KCNK10: variants seen among roughly 807,000 people sequenced by gnomAD.
KCNK10 encodes the protein potassium channel subfamily K member 10.
Under a neutral mutation model 47.7 loss-of-function variants are expected in KCNK10, and 25 were observed. The observed-to-expected ratio is 0.52, with a 90% CI of 0.38 to 0.73. The LOEUF is 0.73. Ranked by LOEUF, KCNK10 falls within the 30% of genes least tolerant of loss-of-function variation. The probability of loss-of-function intolerance (pLI) is 0.00; values close to 1 mark genes in which losing one functional copy is unlikely to be tolerated. For missense variants in KCNK10, 563 were observed against 714.5 expected (o/e 0.79, Z 2.42); for synonymous variants, 303 against 285.6 (o/e 1.06, Z -0.61).
At chr14:88,190,170 T>C (rs1250877723) in intron 5 of KCNK10, among the ~76,000 whole-genome samples, 1 of 152,168 alleles carries the variant, frequency 6.6e-6, no homozygotes, top group East Asian at 1.9e-4. Flanking sequence ...CCCAGGCCTC[T>C]GCTATTTGTG....
intron 4 of KCNK10, among the ~76,000 whole-genome samples, chr14:88,222,314 G>T (rs376021585): frequency 3.3e-5 from 5 of 152,124 alleles, no homozygotes; most frequent in Non-Finnish European, 7.3e-5. Flanking sequence ...TTTGGGTGGG[G>T]ACACAGCCAA....
At chr14:88,218,780 C>T (rs927766939) in intron 4 of KCNK10, among the ~76,000 whole-genome samples, 3 of 152,168 alleles carry the variant, frequency 2.0e-5, no homozygotes, top group Non-Finnish European at 2.9e-5. Flanking sequence ...AGCTACCCCA[C>T]AGCAGGGGAG....
intron 1 of KCNK10, among the ~76,000 whole-genome samples, chr14:88,269,057 G>A (rs1333879622): frequency 6.6e-6 from 1 of 152,196 alleles, no homozygotes; most frequent in Admixed American, 6.5e-5. Context: ...AGAATCACTT[G>A]AACCAGGTAG....
chr14:88,241,025 TA>T (rs1297479204), intron 2 of KCNK10, among the ~76,000 whole-genome samples: 1 of 152,022 alleles, frequency 6.6e-6, no homozygotes, highest in African/African-American at 2.4e-5. Context: ...TAGTGTTAAA[TA>T]GGGGGGAAAC....
intron 2 of KCNK10, among the ~76,000 whole-genome samples, chr14:88,253,502 G>A (rs986580026): frequency 6.6e-6 from 1 of 151,948 alleles, no homozygotes; most frequent in Non-Finnish European, 1.5e-5. Flanking sequence ...ATTATTATAG[G>A]TCATTTTTAA....
chr14:88,188,014 T>C lies in KCNK10; in HGVS notation c.964A>G (p.Met322Val), dbSNP rs768034452. 1.2e-6 allele frequency: 2 copies of C among 1,614,030 alleles called. No homozygotes were observed. Among genetic ancestry groups the C allele is most frequent in the Non-Finnish European group, 1.7e-6 (2 of 1,180,022 alleles). The change falls in exon 6 of 7, where the codon ATG becomes GTG. Residue 322 changes from methionine (M) to valine (V), a missense_variant. Met to Val is a conservative substitution (Grantham distance 21). Coordinates refer to ENST00000319231, the MANE Select transcript of KCNK10 (RefSeq NM_138317.3). The stretch of plus-strand genomic sequence containing the variant: ...AGAACCCGTAGCCAATCTCCGATCA[T>C]ACTGAGGACAGCTGCAAAGTAGGCA... ...GLAYFAAVLS[M>V]IGDWLRVLSK...
At chr14:88,204,109 A>T (rs11159846) in intron 4 of KCNK10, among the ~76,000 whole-genome samples, 71,321 of 152,034 alleles carry the variant, frequency 0.47, 17,314 homozygotes, top group Non-Finnish European at 0.54. Flanking sequence ...GACCATGTAT[A>T]CTCTTTGTAG....
chr14:88,306,183 G>T (rs1389372513), intron 1 of KCNK10, among the ~76,000 whole-genome samples: 1 of 152,172 alleles, frequency 6.6e-6, no homozygotes, highest in African/African-American at 2.4e-5. Flanking sequence ...CAGGAATGGG[G>T]CCACTTCCAT....
At chr14:88,235,798 A>G (rs1268847852) in intron 3 of KCNK10, among the ~76,000 whole-genome samples, 1 of 152,228 alleles carries the variant, frequency 6.6e-6, no homozygotes, top group Non-Finnish European at 1.5e-5. Flanking sequence ...AAAACCACAC[A>G]GCAAAGAAAA....
At chr14:88,243,050 T>A (rs548116119) in intron 2 of KCNK10, among the ~76,000 whole-genome samples, 1 of 152,246 alleles carries the variant, frequency 6.6e-6, no homozygotes, top group Admixed American at 6.5e-5. Flanking sequence ...CAAAAGACAA[T>A]GGGGACGATG....
At chr14:88,257,013 G>A (rs1432181395) in intron 2 of KCNK10, among the ~76,000 whole-genome samples, 1 of 152,164 alleles carries the variant, frequency 6.6e-6, no homozygotes, top group African/African-American at 2.4e-5. Context: ...TAACCCCCGA[G>A]TCCTGGGGGC....
Position 88,323,089 on chromosome 14 carries a change from G to T in KCNK10, c.-291C>A. 4.9e-6 allele frequency: 6 copies of T among 1,235,692 alleles called. No homozygotes were observed. The highest frequency in any genetic ancestry group is 6.1e-6 in the Non-Finnish European group (6 of 979,150). The allele number at this position is 1,235,692 out of a possible 1,614,324, so 76.5% of individuals were successfully genotyped here. A position where few individuals can be genotyped will look rare whatever the true frequency, so the allele number is the denominator to read the frequency against. On this transcript the variant is annotated 5_prime_UTR_variant, in exon 1 of 7. Transcript: ENST00000319231. Reference sequence around the variant, plus strand: ...GGTGGATGAAAGGATGGAGAGGAAGGCTTGGGGAGATGGAAGAGCCAAGCT... The same window carrying T: ...GGTGGATGAAAGGATGGAGAGGAAGTCTTGGGGAGATGGAAGAGCCAAGCT...
chr14:88,267,661 C>T (rs529130968), intron 1 of KCNK10, among the ~76,000 whole-genome samples: 2 of 152,260 alleles, frequency 1.3e-5, no homozygotes, highest in South Asian at 2.1e-4. Flanking sequence ...CGTAAGCCAC[C>T]GCATCCAGCC....
chr14:88,185,609 C>G lies in KCNK10; in HGVS notation c.1558G>C (p.Glu520Gln). The G allele has an allele frequency of 6.2e-7, 1 of 1,614,186 alleles. No individual in the cohort carries two copies. The highest frequency in any genetic ancestry group is 8.5e-7 in the Non-Finnish European group (1 of 1,180,034). The change falls in exon 7 of 7, where the codon GAG (glutamate) becomes CAG (glutamine). Residue 520 changes from glutamate to glutamine, a missense_variant. Physicochemically the swap from Glu to Gln is conservative, Grantham distance 29. Transcript: ENST00000319231. This position sits in a 1 kb window ranked among gnomAD's most constrained non-coding sequence, Gnocchi z 4.3. The stretch of plus-strand genomic sequence containing the variant: ...GTGTCCGTGGGTATCATTCCGTTCT[C>G]CAACTCAGCGTGCTGCTGGATACAG... ...TDCIQQHAEL[E>Q]NGMIPTDTKD...
intron 4 of KCNK10, among the ~76,000 whole-genome samples, chr14:88,225,424 G>A (rs1158083543): frequency 6.6e-6 from 1 of 152,182 alleles, no homozygotes; most frequent in Non-Finnish European, 1.5e-5. Context: ...AGGTTTCTAA[G>A]GCTCTGTATC....
At position 88,182,036 on chromosome 14, in the gene KCNK10, GCACACACACACACACACACACA is replaced by G. The variant is rs372506756; in HGVS notation, c.*3477_*3498del. 23 of 137,060 alleles carry G rather than the reference GCACACACACACACACACACACA, an allele frequency of 1.7e-4. No individual in the cohort carries two copies. Among genetic ancestry groups the G allele is most frequent in the African/African-American group, 4.9e-4 (18 of 36,728 alleles). The allele number at this position is 137,060 out of a possible 1,614,324, so 8.5% of individuals were successfully genotyped here. On this transcript the variant is annotated 3_prime_UTR_variant, in exon 7 of 7. Transcript: ENST00000319231. The stretch of plus-strand genomic sequence containing the variant: ...AGATGGCCCAACACCACCCCAACCC[GCACACACACACACACACACACA>G]CACACACACACACACACACACACAC...
chr14:88,246,100 C>T (rs920755729), intron 2 of KCNK10, among the ~76,000 whole-genome samples: 8 of 151,742 alleles, frequency 5.3e-5, no homozygotes, highest in Non-Finnish European at 7.4e-5. Context: ...TTAGTAGAGA[C>T]GGGGTTTCAC....
At chr14:88,310,249 TG>T in intron 1 of KCNK10, among the ~76,000 whole-genome samples, 3 of 17,202 alleles carry the variant, frequency 1.7e-4, no homozygotes, top group African/African-American at 1.0e-3. Flanking sequence ...ATAAATGATA[TG>T]CATTTATCAT....
chr14:88,242,159 T>C (rs11849247), intron 2 of KCNK10, among the ~76,000 whole-genome samples: 9,974 of 152,252 alleles, frequency 0.066, 786 homozygotes, highest in African/African-American at 0.19. Context: ...TCCTAAGTAA[T>C]GCCCATTAAG....
Sources: gnomAD v4.1 joint callset for allele counts (sites outside exome capture counted in the v4.1 genomes callset) on GRCh38, gnomAD v4.1.1 for gene constraint, Gnocchi (gnomAD v3.1) non-coding constraint, MANE v1.5 for transcripts, NCBI Gene and HGNC (gene_info 2026-07-23, HGNC 2026-07-21) for gene names.